The following SSBP2 variants were observed in gnomAD, a reference collection of about 807,000 sequenced individuals.
SSBP2 encodes the protein single-stranded DNA-binding protein 2.
Under a neutral mutation model 61.8 loss-of-function variants are expected in SSBP2, and 17 were observed. The observed-to-expected ratio is 0.28, with a 90% confidence interval of 0.19 to 0.41. The LOEUF (loss-of-function observed/expected upper bound fraction) is 0.41. Among genes scored for constraint, SSBP2 ranks in the 10% least tolerant of loss-of-function variants. SSBP2 has a pLI of 1.00. For synonymous variants in SSBP2, 139 were observed against 141.3 expected (o/e 0.98, Z 0.12); for missense variants, 310 against 458.7 (o/e 0.68, Z 2.96).
At chr5:81,460,588 A>G (rs914219310) in intron 10 of SSBP2, among the ~76,000 whole-genome samples, 1 of 152,182 alleles carries the variant, frequency 6.6e-6, no homozygotes, top group Non-Finnish European at 1.5e-5. Flanking sequence ...TAACAGGTAC[A>G]AGGTAAATAT....
intron 10 of SSBP2, among the ~76,000 whole-genome samples, chr5:81,452,950 GA>G (rs72373513): frequency 0.23 from 31,364 of 135,176 alleles, 7,725 homozygotes; most frequent in African/African-American, 0.62. Flanking sequence ...GCATTAAAAT[GA>G]AAAAAAAAAA....
intron 2 of SSBP2, among the ~76,000 whole-genome samples, chr5:81,637,162 A>G (rs1561637198): frequency 6.6e-6 from 1 of 152,240 alleles, no homozygotes; most frequent in African/African-American, 2.4e-5. Context: ...ACTCAGAAGT[A>G]TCAGCACAGC....
At chr5:81,552,482 A>G (rs1772275441) in intron 4 of SSBP2, among the ~76,000 whole-genome samples, 1 of 152,070 alleles carries the variant, frequency 6.6e-6, no homozygotes, top group Admixed American at 6.6e-5. Flanking sequence ...CTACTAAAAT[A>G]CAAAAATTAG....
intron 1 of SSBP2, among the ~76,000 whole-genome samples, chr5:81,712,991 T>C (rs1005614565): frequency 6.6e-6 from 1 of 151,840 alleles, no homozygotes; most frequent in Non-Finnish European, 1.5e-5. Context: ...GCCTCCCAAA[T>C]TACTGGGATT....
At chr5:81,573,854 T>C (rs1443173150) in intron 4 of SSBP2, among the ~76,000 whole-genome samples, 1 of 152,150 alleles carries the variant, frequency 6.6e-6, no homozygotes, top group Non-Finnish European at 1.5e-5. Context: ...AAAACCATTA[T>C]GCTTGACCAG....
chr5:81,562,625 C>T (rs1561542789), intron 4 of SSBP2, among the ~76,000 whole-genome samples: 2 of 152,110 alleles, frequency 1.3e-5, no homozygotes, highest in Non-Finnish European at 2.9e-5. Flanking sequence ...ATAAAGTGTA[C>T]TCTTTTTTGA....
At chr5:81,581,322 G>A (rs1019795713) in intron 4 of SSBP2, among the ~76,000 whole-genome samples, 2 of 152,146 alleles carry the variant, frequency 1.3e-5, no homozygotes, top group Admixed American at 1.3e-4. Flanking sequence ...AGGCTTGAGC[G>A]GCATTTGGGT....
chr5:81,541,065 A>G (rs1179969678), intron 4 of SSBP2, among the ~76,000 whole-genome samples: 2 of 152,228 alleles, frequency 1.3e-5, no homozygotes, highest in Non-Finnish European at 2.9e-5. Flanking sequence ...ACATCAGCAC[A>G]GTTTCAGGAT....
chr5:81,512,993 G>C (rs887698517), intron 5 of SSBP2, among the ~76,000 whole-genome samples: 23 of 152,054 alleles, frequency 1.5e-4, no homozygotes, highest in Non-Finnish European at 1.2e-4. Flanking sequence ...AAAACTGTCA[G>C]ATTTAAGAAG....
intron 11 of SSBP2, among the ~76,000 whole-genome samples, chr5:81,447,139 G>C (rs1057209599): frequency 5.3e-5 from 8 of 152,092 alleles, no homozygotes; most frequent in Non-Finnish European, 1.0e-4. Context: ...AAAACAATGA[G>C]CCTGTACCAT....
intron 4 of SSBP2, among the ~76,000 whole-genome samples, chr5:81,578,817 A>G (rs1203643584): frequency 6.6e-6 from 1 of 151,886 alleles, no homozygotes; most frequent in Non-Finnish European, 1.5e-5. Context: ...TTTAGTAGCT[A>G]TTCAGACATA....
At chr5:81,669,648 G>C (rs1413048347) in intron 1 of SSBP2, among the ~76,000 whole-genome samples, 1 of 152,066 alleles carries the variant, frequency 6.6e-6, no homozygotes, top group Non-Finnish European at 1.5e-5. Flanking sequence ...ACCACGGCCT[G>C]TTGGGGGATG....
chr5:81,562,602 T>A (rs989402825), intron 4 of SSBP2, among the ~76,000 whole-genome samples: 2 of 152,058 alleles, frequency 1.3e-5, no homozygotes, highest in African/African-American at 4.8e-5. Flanking sequence ...AAGGAACACA[T>A]GAGTAGAACA....
chr5:81,742,013 C>T (rs1757055695), intron 1 of SSBP2, among the ~76,000 whole-genome samples: 1 of 152,144 alleles, frequency 6.6e-6, no homozygotes, highest in African/African-American at 2.4e-5. Context: ...CGAAAAAACT[C>T]TAAATATGGC....
At chr5:81,426,770 A>G (rs184699130) in intron 16 of SSBP2, among the ~76,000 whole-genome samples, 1 of 152,364 alleles carries the variant, frequency 6.6e-6, no homozygotes, top group Non-Finnish European at 1.5e-5. Flanking sequence ...CTGTTAAGAC[A>G]GCAGTCACTA....
chr5:81,439,803 C>G (rs1294808433), intron 14 of SSBP2, among the ~76,000 whole-genome samples: 1 of 151,598 alleles, frequency 6.6e-6, no homozygotes, highest in Non-Finnish European at 1.5e-5. Flanking sequence ...TCCCAAGTAG[C>G]TGGGACTACA....
intron 1 of SSBP2, among the ~76,000 whole-genome samples, chr5:81,713,324 G>T (rs1232564938): frequency 6.6e-6 from 1 of 151,172 alleles, no homozygotes; most frequent in African/African-American, 2.4e-5. Flanking sequence ...ACTCCAAACA[G>T]GGGAACACCC....
intron 16 of SSBP2, among the ~76,000 whole-genome samples, chr5:81,421,294 G>A (rs887605706): frequency 6.6e-6 from 1 of 152,252 alleles, no homozygotes; most frequent in South Asian, 2.1e-4. Context: ...CTGGGCTCAG[G>A]TGATCCCACC....
intron 11 of SSBP2, among the ~76,000 whole-genome samples, chr5:81,447,174 A>T (rs1290674581): frequency 6.6e-6 from 1 of 152,244 alleles, no homozygotes; most frequent in Non-Finnish European, 1.5e-5. Flanking sequence ...TGACTTAATC[A>T]TATCAGTTAT....
Sources: gnomAD v4.1 joint callset for allele counts (sites outside exome capture counted in the v4.1 genomes callset) on GRCh38, gnomAD v4.1.1 for gene constraint, MANE v1.5 for transcripts, NCBI Gene and HGNC (gene_info 2026-07-23, HGNC 2026-07-21) for gene names.